VPS4A: variants seen among roughly 807,000 people sequenced by gnomAD.
The protein encoded by VPS4A is vacuolar protein sorting 4 homolog A.
In VPS4A, 20 loss-of-function variants were observed where a neutral mutation model predicts 52.3. That is an observed-to-expected ratio of 0.38 (90% CI 0.27 to 0.56). The LOEUF (loss-of-function observed/expected upper bound fraction) is 0.56, where lower values mean the gene tolerates loss of function less well. Ranked by LOEUF, VPS4A falls within the 20% of genes least tolerant of loss-of-function variation. VPS4A has a pLI of 0.72. For synonymous variants in VPS4A, 293 were observed against 227.7 expected (o/e 1.29, Z -2.58); for missense variants, 419 against 575.9 (o/e 0.73, Z 2.79).
In VPS4A at chr16:69,318,789, C is replaced by G. The variant is rs749220003; in HGVS notation, c.344-34C>G. 34 of 1,583,588 alleles carry G rather than the reference C, an allele frequency of 2.1e-5. No homozygotes were observed. In the African/African-American group the frequency reaches 3.4e-4, roughly 16 times the overall value. On this transcript the variant is annotated intron_variant, in intron 4 of 10. Transcript: ENST00000254950. ...GCTGGGTTGGCTCATGCCCCTTGGC[C>G]GGGCCCGGGCCCGGGCCGGCCTCCC... is the stretch of plus-strand genomic sequence containing the variant.
Position 69,321,890 on chromosome 16 carries a change from G to A in VPS4A, c.1071+620G>A, listed in dbSNP as rs954764329. ...GTGAAGGTGTGAGGGAATGAGCCTT[G>A]TGGACATTGGGGGAATGTTTTGCCA... is the stretch of plus-strand genomic sequence containing the variant. On this transcript the variant is annotated intron_variant, in intron 9 of 10. Transcript: ENST00000254950. The surrounding 1 kb of genome is among the most constrained non-coding windows in gnomAD (Gnocchi z 4.5). 2 of 157,970 alleles carry A rather than the reference G, an allele frequency of 1.3e-5. No individual in the cohort carries two copies. The highest frequency in any genetic ancestry group is 4.8e-5 in the African/African-American group (2 of 41,486). 9.8% of individuals were successfully genotyped at this position (157,970 alleles called of 1,614,324 possible).
At position 69,311,540 on chromosome 16, in the gene VPS4A, G is replaced by T; in HGVS notation, c.21+8G>T. ...ACAACGTCAACCCTCCAGGTACTTC[G>T]TGCGGCCCGGCCCGACTTCGGAGGC... On this transcript the variant is annotated splice_region_variant and intron_variant, in intron 1 of 10. Transcript: ENST00000254950. 1 of 1,332,192 alleles carries T rather than the reference G, an allele frequency of 7.5e-7. No individual in the cohort carries two copies. The highest frequency in any genetic ancestry group is 2.9e-5 in the Admixed American group (1 of 34,012). 82.5% of individuals were successfully genotyped at this position (1,332,192 alleles called of 1,614,324 possible).
Position 69,320,789 on chromosome 16 carries a change from A to G in VPS4A, c.851+20A>G. The stretch of plus-strand genomic sequence containing the variant: ...GAGGAGGTGAGTCTTCCCCAGGAGA[A>G]GCCAGGGCTGGAGGCTTCCTCCCAC... On this transcript the variant is annotated intron_variant, in intron 8 of 10. Coordinates refer to ENST00000254950, the MANE Select transcript of VPS4A (RefSeq NM_013245.3). This position sits in a 1 kb window ranked among gnomAD's most constrained non-coding sequence, Gnocchi z 4.2. 6.3e-7 allele frequency: 1 copy of G among 1,590,748 alleles called. No homozygotes were observed. Among genetic ancestry groups the G allele is most frequent in the East Asian group, 2.3e-5 (1 of 43,946 alleles).
At position 69,325,283 on chromosome 16, in the gene VPS4A, C is replaced by T. The variant is rs191424403; in HGVS notation, c.*974C>T. On this transcript the variant is annotated 3_prime_UTR_variant, in exon 11 of 11. Transcript: ENST00000254950. ...CCAGACAGTTCTTGCCGTTGTTCGG[C>T]CTACAGATCAGAGACTGCAAAGTGG... 3 of 152,250 alleles carry T rather than the reference C, an allele frequency of 2.0e-5. No individual in the cohort carries two copies. Among genetic ancestry groups the T allele is most frequent in the African/African-American group, 7.2e-5 (3 of 41,440 alleles). 9.4% of individuals were successfully genotyped at this position (152,250 alleles called of 1,614,324 possible). A position where few individuals can be genotyped will look rare whatever the true frequency, so the allele number is the denominator to read the frequency against.
chr16:69,319,688 TGG>T (rs1053312338), intron 6 of VPS4A, 145 bp downstream of exon 6: 77 of 1,127,162 alleles, frequency 6.8e-5, no homozygotes, highest in Non-Finnish European at 9.2e-5. Flanking sequence ...GCTTATCGGC[TGG>T]GACACAGTCC....
rs772909486 is a variant in VPS4A at position 69,324,333 on chromosome 16, T to G, written c.*24T>G. 6.2e-7 allele frequency: 1 copy of G among 1,610,202 alleles called. No homozygotes were observed. The highest frequency in any genetic ancestry group is 8.5e-7 in the Non-Finnish European group (1 of 1,178,022). On this transcript the variant is annotated 3_prime_UTR_variant, in exon 11 of 11. Transcript: ENST00000254950. ...AAAAGCTGCTTCACTTGGGCAATGG[T>G]GAAGGTGGGAGGTTGATTGGGGCAA...
chr16:69,324,117 T>C (rs1965552290), intron 10 of VPS4A, 91 bp from the exon 11 acceptor site: 1 of 1,356,624 alleles, frequency 7.4e-7, no homozygotes, highest in Non-Finnish European at 1.0e-6. Flanking sequence ...GCAAACCTCT[T>C]CCCACCCTCA....
In VPS4A at chr16:69,319,424, AC is replaced by A; in HGVS notation, c.506del (p.Pro169LeufsTer29). The A allele has an allele frequency of 6.2e-7, 1 of 1,613,562 alleles. No homozygotes were observed. Among genetic ancestry groups the A allele is most frequent in the Non-Finnish European group, 8.5e-7 (1 of 1,179,792 alleles). Reference sequence around the variant, plus strand: ...CCTGGCGGGGGATTCTGCTGTTCGGACCCCCTGGCACAGGGAAATCCTACCT... The same window carrying A: ...CCTGGCGGGGGATTCTGCTGTTCGGACCCCTGGCACAGGGAAATCCTACCT... ...TPWRGILLFG[P>X]PGTGKSYLAK... On this transcript the variant is annotated frameshift_variant, in exon 6 of 11. Transcript: ENST00000254950. LOFTEE classifies it high-confidence loss of function.
chr16:69,326,605 G>C lies in VPS4A; in HGVS notation c.*2296G>C, dbSNP rs1260138214. The C allele has an allele frequency of 1.3e-5, 2 of 152,196 alleles. No individual in the cohort carries two copies. Among genetic ancestry groups the C allele is most frequent in the Non-Finnish European group, 2.9e-5 (2 of 68,056 alleles). The allele number at this position is 152,196 out of a possible 1,614,324, so 9.4% of individuals were successfully genotyped here. ...CGTGAAGACACCTGACTTTCCAGTTGTCTCTCTCCATGACCAGCAACAGGA... is the reference window on the plus strand; with the variant it reads ...CGTGAAGACACCTGACTTTCCAGTTCTCTCTCTCCATGACCAGCAACAGGA... On this transcript the variant is annotated 3_prime_UTR_variant, in exon 11 of 11. Coordinates refer to ENST00000254950, the MANE Select transcript of VPS4A (RefSeq NM_013245.3).
intron 1 of VPS4A, among the ~76,000 whole-genome samples, chr16:69,315,487 A>G: frequency 6.6e-6 from 1 of 152,192 alleles, no homozygotes; most frequent in East Asian, 1.9e-4. Flanking sequence ...AGCTGCATGG[A>G]GCCAGGAGGA....
At position 69,311,365 on chromosome 16, in the gene VPS4A, T is replaced by A; in HGVS notation, c.-147T>A. ...CTCCTCGCTTGCCCTCGGACTCGGCTCCCGCTGCGAGCGGCCGCCCTGCCC... is the reference window on the plus strand; with the variant it reads ...CTCCTCGCTTGCCCTCGGACTCGGCACCCGCTGCGAGCGGCCGCCCTGCCC... On this transcript the variant is annotated 5_prime_UTR_variant, in exon 1 of 11. Transcript: ENST00000254950. 1 of 889,818 alleles carries A rather than the reference T, an allele frequency of 1.1e-6. No homozygotes were observed. The allele number at this position is 889,818 out of a possible 1,614,324, so 55.1% of individuals were successfully genotyped here. A position where few individuals can be genotyped will look rare whatever the true frequency, so the allele number is the denominator to read the frequency against.
At chr16:69,318,746 G>A in intron 4 of VPS4A, 35 bp downstream of exon 4, 1 of 1,613,414 alleles carries the variant, frequency 6.2e-7, no homozygotes, top group Non-Finnish European at 8.5e-7. Flanking sequence ...AGCGGCAGGG[G>A]ATGAGAGTGG....
chr16:69,311,424 C>T lies in VPS4A; in HGVS notation c.-88C>T, dbSNP rs937681596. The T allele has an allele frequency of 5.8e-6, 7 of 1,216,862 alleles. No homozygotes were observed. The African/African-American group carries it at 1.1e-4, about 19-fold the overall frequency. 75.4% of individuals were successfully genotyped at this position (1,216,862 alleles called of 1,614,324 possible). On this transcript the variant is annotated 5_prime_UTR_variant, in exon 1 of 11. Coordinates refer to ENST00000254950, the MANE Select transcript of VPS4A (RefSeq NM_013245.3). ...CGCTCAGCGCCCACCGCCGGGCTTC[C>T]CGCGCCGGACCCAGTACCTCGGCTC...
At position 69,316,049 on chromosome 16, in the gene VPS4A, A is replaced by G. The variant is rs1256992245; in HGVS notation, c.63A>G (p.Lys21=). 4 of 1,613,502 alleles carry G rather than the reference A, an allele frequency of 2.5e-6. No individual in the cohort carries two copies. The highest frequency in any genetic ancestry group is 3.4e-6 in the Non-Finnish European group (4 of 1,179,890). ...DLVTKATEED[K]AKNYEEALRL... is the part of the protein sequence containing the mutation. ...TGACGAAAGCCACAGAGGAGGACAA[A>G]GCCAAGAACTACGAGGAGGCGCTGC... is the stretch of plus-strand genomic sequence containing the variant. The change falls in exon 2 of 11, where the codon AAA becomes AAG. Residue 21 remains lysine (K), a synonymous_variant. Transcript: ENST00000254950.
Position 69,311,370 on chromosome 16 carries a change from C to T in VPS4A, c.-142C>T, listed in dbSNP as rs1206379810. 3 of 947,694 alleles carry T rather than the reference C, an allele frequency of 3.2e-6. No homozygotes were observed. Among genetic ancestry groups the T allele is most frequent in the African/African-American group, 1.7e-5 (1 of 57,790 alleles). The allele number at this position is 947,694 out of a possible 1,614,324, so 58.7% of individuals were successfully genotyped here. ...CGCTTGCCCTCGGACTCGGCTCCCGCTGCGAGCGGCCGCCCTGCCCGCGCA... is the reference window on the plus strand; with the variant it reads ...CGCTTGCCCTCGGACTCGGCTCCCGTTGCGAGCGGCCGCCCTGCCCGCGCA... On this transcript the variant is annotated 5_prime_UTR_variant, in exon 1 of 11. Transcript: ENST00000254950.
At chr16:69,316,565 C>T (rs1419037140) in intron 3 of VPS4A, among the ~76,000 whole-genome samples, 193 bp downstream of exon 3, 1 of 152,128 alleles carries the variant, frequency 6.6e-6, no homozygotes, top group African/African-American at 2.4e-5. Flanking sequence ...ATCTGACCCA[C>T]AAGCCATGGG....
At chr16:69,319,129 G>T (rs1965477076) in intron 5 of VPS4A, among the ~76,000 whole-genome samples, 187 bp downstream of exon 5, 1 of 152,176 alleles carries the variant, frequency 6.6e-6, no homozygotes, top group African/African-American at 2.4e-5. Context: ...ACGTCACAGG[G>T]TGGGGGCAGG....
Position 69,322,667 on chromosome 16 carries a change from T to C in VPS4A, c.1179T>C (p.Pro393=), listed in dbSNP as rs1175131104. Residue 393 remains proline, a synonymous_variant, in exon 10 of 11, where the codon CCT becomes CCC. Transcript: ENST00000254950. The part of the protein sequence containing the change: ...GAMEMTWMDV[P]GDKLLEPVVC... ...TGGAGATGACTTGGATGGATGTCCC[T>C]GGGGACAAACTCTTAGAGCCTGTGG... is the stretch of plus-strand genomic sequence containing the variant. 1.2e-6 allele frequency: 2 copies of C among 1,613,726 alleles called. No individual in the cohort carries two copies. The highest frequency in any genetic ancestry group is 1.7e-5 in the Admixed American group (1 of 59,988).
intron 1 of VPS4A, among the ~76,000 whole-genome samples, chr16:69,312,695 C>T (rs541431474): frequency 1.3e-5 from 2 of 152,240 alleles, no homozygotes; most frequent in South Asian, 2.1e-4. Flanking sequence ...TCACTGCAGC[C>T]TCTGCCTCTC....
Sources: gnomAD v4.1 joint callset for allele counts (sites outside exome capture counted in the v4.1 genomes callset) on GRCh38, gnomAD v4.1.1 for gene constraint, Gnocchi (gnomAD v3.1) non-coding constraint, MANE v1.5 for transcripts, NCBI Gene and HGNC (gene_info 2026-07-23, HGNC 2026-07-21) for gene names.